Variants in NFKBID observed in about 807,000 individuals in gnomAD.
The protein encoded by NFKBID is NF-kappa-B inhibitor delta.
A neutral mutation model predicts 53.4 loss-of-function variants in NFKBID; 26 were observed. That is an observed-to-expected ratio of 0.49 (90% CI 0.36 to 0.68). The LOEUF (loss-of-function observed/expected upper bound fraction) is 0.68, where lower values mean the gene tolerates loss of function less well. Ranked by LOEUF, NFKBID falls within the 30% of genes least tolerant of loss-of-function variation. The pLI is 0.00. For missense variants in NFKBID, 493 were observed against 614.1 expected (o/e 0.80, Z 2.08); for synonymous variants, 262 against 259.8 (o/e 1.01, Z -0.08).
chr19:35,890,456 G>A (rs1974683542), exon 10 of NFKBID: 1 of 1,613,752 alleles, frequency 6.2e-7, no homozygotes. Flanking sequence ...AGCCTGCACG[G>A]CCAAGTGCAG....
intron 11 of NFKBID, among the ~76,000 whole-genome samples, chr19:35,889,253 G>A (rs1974587053): frequency 6.6e-6 from 1 of 151,778 alleles, no homozygotes; most frequent in South Asian, 2.1e-4. Flanking sequence ...CTACTGGAGA[G>A]GCTGAGGTGG....
chr19:35,890,444 G>A, exon 10 of NFKBID: 3 of 1,614,044 alleles, frequency 1.9e-6, no homozygotes, highest in Non-Finnish European at 2.5e-6. Context: ...AGTGGGGTTG[G>A]CAGCCTGCAC....
chr19:35,889,313 G>A (rs917282578), intron 11 of NFKBID, among the ~76,000 whole-genome samples: 4 of 150,102 alleles, frequency 2.7e-5, no homozygotes, highest in Non-Finnish European at 4.5e-5. Context: ...CTATGATCAT[G>A]CCACTGCACT....
At chr19:35,894,421 T>C (rs986896887) in intron 9 of NFKBID, among the ~76,000 whole-genome samples, 4 of 152,126 alleles carry the variant, frequency 2.6e-5, no homozygotes, top group African/African-American at 9.7e-5. Flanking sequence ...TATAAGATTT[T>C]TCAGGCTGGG....
chr19:35,889,966 C>G, exon 11 of NFKBID: 1 of 1,611,868 alleles, frequency 6.2e-7, no homozygotes, highest in Non-Finnish European at 8.5e-7. Context: ...GGGGTCCGCC[C>G]CAGCTGCCAA....
chr19:35,900,670 C>G, upstream of NFKBID: 1 of 1,227,430 alleles, frequency 8.1e-7, no homozygotes, highest in Non-Finnish European at 1.0e-6. Flanking sequence ...TGAATGGGCG[C>G]GGCGGACTTG....
Position 35,896,858 on chromosome 19 carries a change from A to G in NFKBID, c.579-27T>C, listed in dbSNP as rs1440761655. ...TGAGGACAGGTGGGGGACAGCCGTG[A>G]GAACAGCCCCCACCAAGCCAAGAGT... On this transcript the variant is annotated intron_variant, in intron 5 of 11. Coordinates refer to ENST00000641389, the Ensembl canonical transcript of NFKBID. This position sits in a 1 kb window ranked among gnomAD's most constrained non-coding sequence, Gnocchi z 5.7. 2 of 1,613,758 alleles carry G rather than the reference A, an allele frequency of 1.2e-6. No individual in the cohort carries two copies. Among genetic ancestry groups the G allele is most frequent in the South Asian group, 2.2e-5 (2 of 91,058 alleles).
At position 35,897,024 on chromosome 19, in the gene NFKBID, C is replaced by T. The variant is rs1262661129; in HGVS notation, c.467G>A (p.Gly156Glu). 4.4e-6 allele frequency: 7 copies of T among 1,605,266 alleles called. No homozygotes were observed. The East Asian group carries it at 1.3e-4, about 31-fold the overall frequency. Reference sequence around the variant, plus strand: ...GACCACAGCGGGGAACTGTGGGGGTCCTGAAGGGGGTGCAGAAACTCTCCA... The same window carrying T: ...GACCACAGCGGGGAACTGTGGGGGTTCTGAAGGGGGTGCAGAAACTCTCCA... Residue 156 changes from glycine to glutamate, a missense_variant, in exon 5 of 12, where the codon GGA (glycine) becomes GAA (glutamate). Physicochemically the swap from Gly to Glu is moderately conservative, Grantham distance 98 (BLOSUM62 -2). Transcript: ENST00000641389.
chr19:35,893,269 T>C (rs1974902788), intron 9 of NFKBID, among the ~76,000 whole-genome samples: 1 of 152,212 alleles, frequency 6.6e-6, no homozygotes, highest in South Asian at 2.1e-4. Context: ...ACGAATGAAT[T>C]ACCAAAGTAT....
intron 9 of NFKBID, 86 bp downstream of exon 9, chr19:35,895,894 T>C: frequency 1.6e-6 from 2 of 1,287,342 alleles, no homozygotes; most frequent in Non-Finnish European, 2.2e-6. Flanking sequence ...AGAGGCAAAG[T>C]CAGCATTTGC....
upstream of NFKBID, among the ~76,000 whole-genome samples, chr19:35,901,163 G>C (rs1021464088): frequency 1.6e-4 from 25 of 151,952 alleles, no homozygotes; most frequent in African/African-American, 5.6e-4. Context: ...TGTGTCTAAG[G>C]GGGTGCTGGA....
chr19:35,899,793 C>G (rs1001124388), intron 1 of NFKBID: 2 of 152,250 alleles, frequency 1.3e-5, no homozygotes, highest in Non-Finnish European at 2.9e-5. Context: ...GAAACAGCCC[C>G]GACGCGGCGC....
chr19:35,892,435 A>G (rs1974832456), intron 9 of NFKBID, among the ~76,000 whole-genome samples: 1 of 151,860 alleles, frequency 6.6e-6, no homozygotes, highest in African/African-American at 2.4e-5. Flanking sequence ...CTATAGTCCC[A>G]GCTACTCGGG....
At position 35,896,721 on chromosome 19, in the gene NFKBID, C is replaced by T. The variant is rs775818732; in HGVS notation, c.684+5G>A. 9.9e-6 allele frequency: 16 copies of T among 1,613,234 alleles called. No individual in the cohort carries two copies. In the Admixed American group the frequency reaches 2.7e-4, roughly 27 times the overall value. On this transcript the variant is annotated splice_donor_5th_base_variant and intron_variant, in intron 6 of 11. Coordinates refer to ENST00000641389, the Ensembl canonical transcript of NFKBID. This position sits in a 1 kb window ranked among gnomAD's most constrained non-coding sequence, Gnocchi z 5.7. ...ACCCAGGAGAGTTCAGGCCCCAAGC[C>T]TCACCTTGCCCTTATGCTCACGAAT...
At position 35,895,471 on chromosome 19, in the gene NFKBID, G is replaced by C. The variant is rs768024356; in HGVS notation, c.1032+509C>G. Among the ~76,000 whole-genome samples, 86 of 151,248 alleles carry C rather than the reference G, an allele frequency of 5.7e-4. 1 individual carries two copies. Among genetic ancestry groups the C allele is most frequent in the Non-Finnish European group, 1.3e-4 (9 of 67,904 alleles). On this transcript the variant is annotated intron_variant, in intron 9 of 11. Coordinates refer to ENST00000641389, the Ensembl canonical transcript of NFKBID. ...CCACTGCACTCTAGCCTGGGCGACA[G>C]AGTGAGACCCTGTCTCAAAAACAAA...
At chr19:35,888,660 G>C (rs1056489427) in intron 11 of NFKBID, 48 bp from the exon 12 acceptor site, 7 of 1,480,310 alleles carry the variant, frequency 4.7e-6, no homozygotes, top group Non-Finnish European at 6.5e-6. Context: ...GTTGGAAGGA[G>C]AGGTGGGGAA....
At position 35,896,550 on chromosome 19, in the gene NFKBID, AG is replaced by A; in HGVS notation, c.685-13del. 1 of 1,613,486 alleles carries A rather than the reference AG, an allele frequency of 6.2e-7. No individual in the cohort carries two copies. Among genetic ancestry groups the A allele is most frequent in the Non-Finnish European group, 8.5e-7 (1 of 1,179,610 alleles). ...ACCAGGAGAGGGGTCTGCAGGCCACAGGAGAAGTCAGGTTGGGCTCCTGGTT... is the reference window on the plus strand; with the variant it reads ...ACCAGGAGAGGGGTCTGCAGGCCACAGAGAAGTCAGGTTGGGCTCCTGGTT... On this transcript the variant is annotated splice_polypyrimidine_tract_variant and intron_variant, in intron 6 of 11. Transcript: ENST00000641389. The surrounding 1 kb of genome is among the most constrained non-coding windows in gnomAD (Gnocchi z 5.7).
chr19:35,895,668 G>T (rs1218500023), intron 9 of NFKBID, among the ~76,000 whole-genome samples: 1 of 152,046 alleles, frequency 6.6e-6, no homozygotes, highest in Admixed American at 6.6e-5. Flanking sequence ...GCCAGGCGTG[G>T]TGACTCATGC....
chr19:35,900,481 C>G (rs1243027703), exon 1 of NFKBID: 13 of 1,231,810 alleles, frequency 1.1e-5, no homozygotes, highest in Non-Finnish European at 1.3e-5. Context: ...CCCCCAGGGC[C>G]GCGGCCTCGG....
Sources: gnomAD v4.1 joint callset for allele counts (sites outside exome capture counted in the v4.1 genomes callset) on GRCh38, gnomAD v4.1.1 for gene constraint, Gnocchi (gnomAD v3.1) non-coding constraint, MANE v1.5 for transcripts, NCBI Gene and HGNC (gene_info 2026-07-23, HGNC 2026-07-21) for gene names.